PARD3: variants seen among roughly 807,000 people sequenced by gnomAD.
PARD3 encodes the protein partitioning defective 3 homolog.
PARD3 carries 75 observed loss-of-function variants against 155.4 expected under a neutral mutation model. The observed-to-expected ratio is 0.48, with a 90% CI of 0.40 to 0.58. PARD3 has a LOEUF of 0.58. Among genes scored for constraint, PARD3 ranks in the 20% least tolerant of loss-of-function variants. PARD3 has a pLI of 0.00. For missense variants in PARD3, 1,642 were observed against 1,721.7 expected (o/e 0.95, Z 0.82); for synonymous variants, 576 against 610.5 (o/e 0.94, Z 0.83).
intron 24 of PARD3, 62 bp from the exon 25 acceptor site, chr10:34,111,624 G>C (rs1946387552): frequency 1.5e-5 from 20 of 1,336,552 alleles, no homozygotes; most frequent in Middle Eastern, 2.4e-4. Context: ...GGGAGGAAAG[G>C]GGGCAGGATG....
chr10:34,767,000 A>T (rs941539688), intron 1 of PARD3, among the ~76,000 whole-genome samples: 4 of 152,152 alleles, frequency 2.6e-5, no homozygotes, highest in African/African-American at 9.7e-5. Context: ...CAAGCAGCAC[A>T]TCCCTAAACA....
chr10:34,421,738 G>A (rs568036330), intron 5 of PARD3, among the ~76,000 whole-genome samples: 2 of 152,152 alleles, frequency 1.3e-5, no homozygotes, highest in South Asian at 2.1e-4. Flanking sequence ...TGAACAAAAC[G>A]GAAAAGATTT....
chr10:34,501,327 C>T (rs12246795), intron 3 of PARD3, among the ~76,000 whole-genome samples: 11,210 of 152,008 alleles, frequency 0.074, 1,263 homozygotes, highest in African/African-American at 0.25. Flanking sequence ...CCCCTCTGCC[C>T]GACTTGCTCC....
chr10:34,580,288 T>C (rs377270155), intron 2 of PARD3, among the ~76,000 whole-genome samples: 5 of 152,156 alleles, frequency 3.3e-5, no homozygotes, highest in South Asian at 4.2e-4. Flanking sequence ...AATCCCAGCA[T>C]TTTGGGAGGC....
intron 19 of PARD3, among the ~76,000 whole-genome samples, chr10:34,329,597 C>T (rs907031799): frequency 1.3e-5 from 2 of 151,968 alleles, no homozygotes; most frequent in Admixed American, 6.6e-5. Context: ...TATTCACAGC[C>T]GGGAGGAAGA....
intron 19 of PARD3, among the ~76,000 whole-genome samples, chr10:34,328,485 AC>A (rs1835278510): frequency 6.6e-6 from 1 of 152,108 alleles, no homozygotes; most frequent in Non-Finnish European, 1.5e-5. Context: ...ATACTCAAAA[AC>A]ACCCTTTTTA....
intron 2 of PARD3, among the ~76,000 whole-genome samples, chr10:34,647,637 A>G (rs2092883820): frequency 2.0e-5 from 3 of 152,214 alleles, no homozygotes; most frequent in Admixed American, 2.0e-4. Flanking sequence ...TCAATGCACC[A>G]CACTTAACGT....
intron 5 of PARD3, among the ~76,000 whole-genome samples, chr10:34,443,434 T>G (rs2076571635): frequency 6.6e-6 from 1 of 152,126 alleles, no homozygotes; most frequent in Non-Finnish European, 1.5e-5. Flanking sequence ...GACTGGGCAA[T>G]TTACAAAAGG....
chr10:34,744,631 T>C (rs1297121395), intron 1 of PARD3, among the ~76,000 whole-genome samples: 1 of 152,218 alleles, frequency 6.6e-6, no homozygotes, highest in Admixed American at 6.5e-5. Flanking sequence ...CTACAAGGAA[T>C]CATAGCGTTT....
intron 2 of PARD3, among the ~76,000 whole-genome samples, chr10:34,631,813 G>T (rs1434947216): frequency 1.3e-5 from 2 of 152,150 alleles, no homozygotes; most frequent in African/African-American, 2.4e-5. Flanking sequence ...GCCCAAGCTG[G>T]TCTCAAACTC....
At chr10:34,448,613 A>G (rs549662706) in intron 5 of PARD3, among the ~76,000 whole-genome samples, 1 of 152,220 alleles carries the variant, frequency 6.6e-6, no homozygotes, top group African/African-American at 2.4e-5. Context: ...TAGCCTGGAT[A>G]GCAAAGGGAG....
At chr10:34,363,742 C>T (rs557077241) in intron 12 of PARD3, among the ~76,000 whole-genome samples, 8 of 152,300 alleles carry the variant, frequency 5.3e-5, no homozygotes, top group Non-Finnish European at 1.2e-4. Context: ...TTAACTCACT[C>T]CTCATGTCAT....
At chr10:34,495,138 C>T (rs1424127984) in intron 3 of PARD3, among the ~76,000 whole-genome samples, 1 of 151,906 alleles carries the variant, frequency 6.6e-6, no homozygotes, top group African/African-American at 2.4e-5. Flanking sequence ...GATACCATTG[C>T]TTCCTAACTA....
intron 2 of PARD3, among the ~76,000 whole-genome samples, chr10:34,568,435 C>T (rs973867293): frequency 2.6e-5 from 4 of 152,002 alleles, no homozygotes; most frequent in African/African-American, 9.7e-5. Flanking sequence ...TTCTAGACAA[C>T]AAGAAAGAAA....
At chr10:34,145,260 G>A (rs1948452495) in intron 22 of PARD3, among the ~76,000 whole-genome samples, 1 of 89,012 alleles carries the variant, frequency 1.1e-5, no homozygotes. Flanking sequence ...TTCTCTTTCT[G>A]GTATTCCAAA....
At position 34,737,451 on chromosome 10, in the gene PARD3, G is replaced by A. The variant is rs551151340; in HGVS notation, c.121-41032C>T. ...AGAAAGACGTCTGCCCAACACTATG[G>A]AGCCGATTTTACCACAGAGGTGAAA... is the stretch of plus-strand genomic sequence containing the variant. On this transcript the variant is annotated intron_variant, in intron 1 of 24. Coordinates refer to ENST00000374788, the MANE Select transcript of PARD3 (RefSeq NM_001184785.2). Among the ~76,000 whole-genome samples, 10 of 152,268 alleles carry A rather than the reference G, an allele frequency of 6.6e-5. No homozygotes were observed. In the South Asian group the frequency reaches 1.9e-3, roughly 28 times the overall value.
At chr10:34,226,020 C>T (rs1290240788) in intron 22 of PARD3, among the ~76,000 whole-genome samples, 3 of 151,952 alleles carry the variant, frequency 2.0e-5, no homozygotes, top group East Asian at 3.9e-4. Context: ...CTGGGAGAAA[C>T]ACTGGTAAAC....
intron 18 of PARD3, among the ~76,000 whole-genome samples, chr10:34,332,904 G>A (rs1835769134): frequency 6.6e-6 from 1 of 151,964 alleles, no homozygotes; most frequent in South Asian, 2.1e-4. Flanking sequence ...GTCATGGGAA[G>A]AAAAATGAAT....
intron 2 of PARD3, among the ~76,000 whole-genome samples, chr10:34,527,940 T>G (rs903355840): frequency 5.9e-5 from 9 of 152,242 alleles, no homozygotes; most frequent in African/African-American, 2.2e-4. Context: ...TTATCTTCAG[T>G]ATGCAATACA....
Sources: gnomAD v4.1 joint callset for allele counts (sites outside exome capture counted in the v4.1 genomes callset) on GRCh38, gnomAD v4.1.1 for gene constraint, MANE v1.5 for transcripts, NCBI Gene and HGNC (gene_info 2026-07-23, HGNC 2026-07-21) for gene names.